The following HIGD1B variants were observed in gnomAD, a reference collection of about 807,000 sequenced individuals.
HIGD1B encodes the protein HIG1 hypoxia inducible domain family member 1B, also known as HIG1 domain family member 1B.
HIGD1B carries 9 observed loss-of-function variants against 8.8 expected under a neutral mutation model. The ratio of observed to expected loss-of-function variants is 1.02; its 90% confidence interval spans 0.62 to 1.78. The LOEUF is 1.78. Among genes scored for constraint, HIGD1B ranks in the 40% most tolerant of loss-of-function variants. HIGD1B has a pLI of 0.00. For missense variants in HIGD1B, 126 were observed against 111.8 expected (o/e 1.13, Z -0.57); for synonymous variants, 47 against 38.8 (o/e 1.21, Z -0.78).
chr17:44,845,886 G>A (rs991209002), upstream of HIGD1B, among the ~76,000 whole-genome samples: 4 of 151,692 alleles, frequency 2.6e-5, no homozygotes, highest in Admixed American at 6.6e-5. Context: ...AGCCGAGATC[G>A]TGCCACTGCA....
upstream of HIGD1B, among the ~76,000 whole-genome samples, chr17:44,845,124 G>A (rs1302079811): frequency 6.6e-6 from 1 of 152,010 alleles, no homozygotes; most frequent in Non-Finnish European, 1.5e-5. Flanking sequence ...TGGGCATGGT[G>A]GCAGGCGCCT....
At position 44,849,248 on chromosome 17, in the gene HIGD1B, C is replaced by T; in HGVS notation, c.101-6C>T. 1.2e-6 allele frequency: 2 copies of T among 1,613,842 alleles called. No individual in the cohort carries two copies. Among genetic ancestry groups the T allele is most frequent in the Non-Finnish European group, 1.7e-6 (2 of 1,179,884 alleles). On this transcript the variant is annotated splice_polypyrimidine_tract_variant and splice_region_variant and intron_variant, in intron 1 of 2. Coordinates refer to ENST00000253410, the MANE Select transcript of HIGD1B (RefSeq NM_016438.4). ...GTGGCCCAGGGGCTGTGTTCTCTGC[C>T]CACAGGCTTAGGAGGCTGCTTGGTG...
intron 2 of HIGD1B, 56 bp from the exon 3 acceptor site, chr17:44,850,276 A>G (rs2050418541): frequency 6.9e-7 from 1 of 1,452,288 alleles, no homozygotes; most frequent in Admixed American, 1.9e-5. Context: ...CCTGAGAGCC[A>G]GAGGACGGGT....
In HIGD1B at chr17:44,847,968, G is replaced by T; in HGVS notation, c.-185G>T. 1 of 515,262 alleles carries T rather than the reference G, an allele frequency of 1.9e-6. No individual in the cohort carries two copies. The highest frequency in any genetic ancestry group is 3.5e-6 in the Non-Finnish European group (1 of 289,354). 31.9% of individuals were successfully genotyped at this position (515,262 alleles called of 1,614,324 possible). ...CACTAATGGCCCAGCCACCTGAGAT[G>T]GGATACCTGGGAGGGACATCTTTTC... is the stretch of plus-strand genomic sequence containing the variant. On this transcript the variant is annotated 5_prime_UTR_variant, in exon 1 of 3. It removes an upstream start codon present in the reference 5' UTR. Transcript: ENST00000253410.
rs982442988 is a variant in HIGD1B at position 44,849,471 on chromosome 17, A to T, written c.235+83A>T. Reference sequence around the variant, plus strand: ...TCTTTAAGTCCCAACAATTAAAAGGACTGTGCTTGGCTGGGCGCGGTGGTT... The same window carrying T: ...TCTTTAAGTCCCAACAATTAAAAGGTCTGTGCTTGGCTGGGCGCGGTGGTT... On this transcript the variant is annotated intron_variant, in intron 2 of 2. Coordinates refer to ENST00000253410, the MANE Select transcript of HIGD1B (RefSeq NM_016438.4). 3 of 1,547,796 alleles carry T rather than the reference A, an allele frequency of 1.9e-6. No individual in the cohort carries two copies. The Admixed American group carries it at 5.3e-5, about 28-fold the overall frequency.
Position 44,849,344 on chromosome 17 carries a change from C to T in HIGD1B, c.191C>T (p.Thr64Ile), listed in dbSNP as rs2145416862. ...AAGATGTCCATACACCTGATTCACA[C>T]CCGAGTGGCAGCGCAGGCCTGTGCA... ...STKMSIHLIH[T>I]RVAAQACAVG... Residue 64 changes from threonine to isoleucine, a missense_variant, in exon 2 of 3, where the codon ACC (threonine) becomes ATC (isoleucine). By Grantham distance (89) the Thr-to-Ile change is moderately conservative. Transcript: ENST00000253410. 1 of 1,614,180 alleles carries T rather than the reference C, an allele frequency of 6.2e-7. No homozygotes were observed. Among genetic ancestry groups the T allele is most frequent in the African/African-American group, 1.3e-5 (1 of 75,048 alleles).
chr17:44,847,131 C>T (rs527592398), upstream of HIGD1B, among the ~76,000 whole-genome samples: 8 of 151,314 alleles, frequency 5.3e-5, no homozygotes, highest in East Asian at 3.9e-4. Flanking sequence ...AGCGAAACTC[C>T]GTCTCAAAAA....
intron 2 of HIGD1B, 145 bp downstream of exon 2, chr17:44,849,533 G>A (rs1443339749): frequency 1.5e-5 from 13 of 896,102 alleles, no homozygotes; most frequent in African/African-American, 1.7e-5. Flanking sequence ...AGGCCAAGGC[G>A]GGCAGATCAT....
chr17:44,850,012 C>G (rs1035966693), intron 2 of HIGD1B: 3 of 269,676 alleles, frequency 1.1e-5, no homozygotes, highest in Non-Finnish European at 2.2e-5. Flanking sequence ...TGACAGTGGA[C>G]AAATCTTTCT....
At chr17:44,845,786 G>A (rs2050317647), upstream of HIGD1B, among the ~76,000 whole-genome samples, 1 of 152,068 alleles carries the variant, frequency 6.6e-6, no homozygotes, top group African/African-American at 2.4e-5. Flanking sequence ...AAAAAAATTA[G>A]CTGGGTATGG....
chr17:44,845,435 C>T (rs2050314862), upstream of HIGD1B, among the ~76,000 whole-genome samples: 1 of 151,768 alleles, frequency 6.6e-6, no homozygotes, highest in Non-Finnish European at 1.5e-5. Flanking sequence ...GTTCTGAGAC[C>T]AGCCAGGGTA....
chr17:44,848,424 C>T (rs538161562), intron 1 of HIGD1B, among the ~76,000 whole-genome samples, 172 bp downstream of exon 1: 47 of 152,312 alleles, frequency 3.1e-4, no homozygotes, highest in African/African-American at 1.1e-3. Flanking sequence ...GAAATCAGGA[C>T]GTCTGGATGG....
At position 44,849,267 on chromosome 17, in the gene HIGD1B, C is replaced by T. The variant is rs1350455281; in HGVS notation, c.114C>T (p.Cys38=). 6.2e-7 allele frequency: 1 copy of T among 1,614,062 alleles called. No homozygotes were observed. Among genetic ancestry groups the T allele is most frequent in the Non-Finnish European group, 8.5e-7 (1 of 1,179,980 alleles). ...CTCTGCCCACAGGCTTAGGAGGCTG[C>T]TTGGTGGTAGCAGCATACAGGATTT... The part of the protein sequence containing the change: ...SPLVPIGLGG[C]LVVAAYRIYR... The change falls in exon 2 of 3, where the codon TGC becomes TGT. Residue 38 remains cysteine (C), a synonymous_variant. Transcript: ENST00000253410.
upstream of HIGD1B, chr17:44,846,563 G>A (rs2050324247): frequency 6.6e-6 from 1 of 152,336 alleles, no homozygotes; most frequent in South Asian, 2.1e-4. Context: ...TTGGGAGGCT[G>A]AGGTGGGCAG....
Position 44,850,192 on chromosome 17 carries a change from T to C in HIGD1B, c.236-140T>C, listed in dbSNP as rs2050415715. On this transcript the variant is annotated intron_variant, in intron 2 of 2. Coordinates refer to ENST00000253410, the MANE Select transcript of HIGD1B (RefSeq NM_016438.4). ...TGTGGTCAGATGCTTGAAGCAGCTG[T>C]TGGGACCTGGGGCAGAAAGATGAGC... 4 of 621,826 alleles carry C rather than the reference T, an allele frequency of 6.4e-6. No individual in the cohort carries two copies. The East Asian group carries it at 8.2e-5, about 13-fold the overall frequency. The allele number at this position is 621,826 out of a possible 1,614,324, so 38.5% of individuals were successfully genotyped here.
At chr17:44,850,170 G>A in intron 2 of HIGD1B, 162 bp from the exon 3 acceptor site, 1 of 586,046 alleles carries the variant, frequency 1.7e-6, no homozygotes, top group African/African-American at 1.8e-5. Context: ...CAGGTTGTGT[G>A]GTCAGATGCT....
chr17:44,848,043 C>G lies in HIGD1B; in HGVS notation c.-110C>G. 5.9e-6 allele frequency: 4 copies of G among 674,664 alleles called. No homozygotes were observed. The South Asian group carries it at 7.1e-5, about 12-fold the overall frequency. 41.8% of individuals were successfully genotyped at this position (674,664 alleles called of 1,614,324 possible). ...GTGAGAGAGGGTCTTAGCAGGTAAC[C>G]TTCCTTTCCTCTCCAGACTGAGGAA... is the stretch of plus-strand genomic sequence containing the variant. On this transcript the variant is annotated 5_prime_UTR_variant, in exon 1 of 3. Transcript: ENST00000253410.
chr17:44,850,355 G>C lies in HIGD1B; in HGVS notation c.259G>C (p.Asp87His). The change falls in exon 3 of 3, where the codon GAT becomes CAT. Residue 87 changes from aspartate (D) to histidine (H), a missense_variant. Physicochemically the swap from Asp to His is moderately conservative, Grantham distance 81 (BLOSUM62 -1). Coordinates refer to ENST00000253410, the MANE Select transcript of HIGD1B (RefSeq NM_016438.4). ...MLGAVYTMYS[D>H]YVKRMAQDAG... Reference sequence around the variant, plus strand: ...AGGTGCTGTGTACACAATGTACAGCGATTACGTCAAGAGGATGGCACAGGA... The same window carrying C: ...AGGTGCTGTGTACACAATGTACAGCCATTACGTCAAGAGGATGGCACAGGA... The C allele has an allele frequency of 6.2e-7, 1 of 1,613,318 alleles. No individual in the cohort carries two copies.
intron 2 of HIGD1B, chr17:44,849,826 G>C (rs1461306412): frequency 5.9e-6 from 1 of 169,072 alleles, no homozygotes; most frequent in African/African-American, 2.4e-5. Flanking sequence ...CACATCACAT[G>C]CTTGGTGAAG....
Sources: gnomAD v4.1 joint callset for allele counts (sites outside exome capture counted in the v4.1 genomes callset) on GRCh38, gnomAD v4.1.1 for gene constraint, MANE v1.5 for transcripts, NCBI Gene and HGNC (gene_info 2026-07-23, HGNC 2026-07-21) for gene names.